The following AMPH variants were observed in gnomAD, a reference collection of about 807,000 sequenced individuals.
AMPH encodes amphiphysin, also known as amphiphysin (Stiff-Mann syndrome with breast cancer 128kD autoantigen).
A neutral mutation model predicts 99.1 loss-of-function variants in AMPH; 49 were observed. That is an observed-to-expected ratio of 0.49 (90% confidence interval 0.39 to 0.63). AMPH has a LOEUF of 0.63. Among genes scored for constraint, AMPH ranks in the 20% least tolerant of loss-of-function variants. The pLI, the probability that AMPH is intolerant of heterozygous loss-of-function variation, is 0.00. For synonymous variants in AMPH, 314 were observed against 317.3 expected, an observed-to-expected ratio of 0.99 and a Z score of 0.11; for missense variants, 759 against 863.4, an observed-to-expected ratio of 0.88 and a Z score of 1.52.
At chr7:38,402,998 C>T (rs1053309907) in intron 17 of AMPH, among the ~76,000 whole-genome samples, 1 of 152,146 alleles carries the variant, frequency 6.6e-6, no homozygotes, top group Non-Finnish European at 1.5e-5. Context: ...TTCTTTTACA[C>T]ATCCCAATGA....
chr7:38,489,291 T>G (rs1339956582), intron 5 of AMPH, among the ~76,000 whole-genome samples: 1 of 151,874 alleles, frequency 6.6e-6, no homozygotes, highest in Non-Finnish European at 1.5e-5. Flanking sequence ...GATATTTACA[T>G]GCCAAAAAAT....
Position 38,417,807 on chromosome 7 carries a change from G to C in AMPH, c.1398+18C>G. On this transcript the variant is annotated intron_variant, in intron 17 of 20. Coordinates refer to ENST00000356264, the MANE Select transcript of AMPH (RefSeq NM_001635.4). ...TGGCAGCGAGGCAGATGGAGGGTGAGAGGGAGGTGGTGCTCACCACTGCCT... is the reference window on the plus strand; with the variant it reads ...TGGCAGCGAGGCAGATGGAGGGTGACAGGGAGGTGGTGCTCACCACTGCCT... The C allele has an allele frequency of 6.2e-7, 1 of 1,613,162 alleles. No individual in the cohort carries two copies. The highest frequency in any genetic ancestry group is 1.1e-5 in the South Asian group (1 of 90,980).
chr7:38,490,066 A>G (rs1326538729), intron 5 of AMPH, among the ~76,000 whole-genome samples: 2 of 152,180 alleles, frequency 1.3e-5, no homozygotes, highest in Non-Finnish European at 2.9e-5. Flanking sequence ...CTCCACAAAC[A>G]TTACAAATCC....
chr7:38,516,779 G>A (rs1014595914), intron 2 of AMPH, among the ~76,000 whole-genome samples: 9 of 152,186 alleles, frequency 5.9e-5, no homozygotes, highest in Admixed American at 1.3e-4. Flanking sequence ...CTCAGGAACT[G>A]TGCCCTGCAG....
chr7:38,446,333 G>A (rs1022254962), intron 11 of AMPH, among the ~76,000 whole-genome samples: 1 of 152,120 alleles, frequency 6.6e-6, no homozygotes, highest in East Asian at 1.9e-4. Context: ...AGAAATGAAA[G>A]CATGCATGCA....
intron 1 of AMPH, among the ~76,000 whole-genome samples, chr7:38,585,813 T>A (rs1291038051): frequency 6.6e-6 from 1 of 152,232 alleles, no homozygotes; most frequent in Non-Finnish European, 1.5e-5. Context: ...TCAATAATGC[T>A]TCAGCACTGA....
chr7:38,490,989 A>G (rs188863735), intron 5 of AMPH, 61 bp downstream of exon 5: 3 of 1,055,376 alleles, frequency 2.8e-6, no homozygotes, highest in Non-Finnish European at 2.9e-6. Flanking sequence ...TCTCTTGCCC[A>G]TGTTTCAATA....
At chr7:38,543,095 C>CAA (rs34264805) in intron 1 of AMPH, among the ~76,000 whole-genome samples, 299 of 139,410 alleles carry the variant, frequency 2.1e-3, no homozygotes, top group Middle Eastern at 7.4e-3. Flanking sequence ...CCCTGTCCCA[C>CAA]AAAAAAAAAA....
chr7:38,434,742 G>GA (rs10713859), intron 12 of AMPH, among the ~76,000 whole-genome samples: 17,464 of 135,730 alleles, frequency 0.13, 1,123 homozygotes, highest in East Asian at 0.2. Flanking sequence ...CCATCTCAAA[G>GA]AAAAAAAAAA....
At chr7:38,505,803 C>T (rs1368659798) in intron 2 of AMPH, among the ~76,000 whole-genome samples, 2 of 151,830 alleles carry the variant, frequency 1.3e-5, no homozygotes, top group Non-Finnish European at 2.9e-5. Flanking sequence ...TGGGTCTTTC[C>T]CCTACTAAAT....
intron 17 of AMPH, among the ~76,000 whole-genome samples, chr7:38,396,446 C>T (rs1784672034): frequency 6.6e-6 from 1 of 152,172 alleles, no homozygotes; most frequent in Non-Finnish European, 1.5e-5. Context: ...AACTGTAAGT[C>T]CAATAAACCT....
intron 16 of AMPH, among the ~76,000 whole-genome samples, chr7:38,420,549 G>A (rs563254297): frequency 6.6e-6 from 1 of 152,334 alleles, no homozygotes; most frequent in South Asian, 2.1e-4. Flanking sequence ...TGCCACAATG[G>A]TTTAACTCTG....
intron 3 of AMPH, among the ~76,000 whole-genome samples, chr7:38,503,267 A>C (rs575704547): frequency 1.3e-5 from 2 of 152,132 alleles, no homozygotes; most frequent in Non-Finnish European, 2.9e-5. Context: ...TGCCCCTTCC[A>C]GTGAGAGGGC....
At chr7:38,597,403 A>G (rs1207078310) in intron 1 of AMPH, among the ~76,000 whole-genome samples, 2 of 152,146 alleles carry the variant, frequency 1.3e-5, no homozygotes, top group African/African-American at 4.8e-5. Flanking sequence ...AAGATCATGT[A>G]TTTGACCTAG....
chr7:38,393,438 C>T (rs1434691184), intron 18 of AMPH, among the ~76,000 whole-genome samples: 15 of 152,144 alleles, frequency 9.9e-5, no homozygotes, highest in Admixed American at 8.5e-4. Flanking sequence ...TTTGTGGCCT[C>T]TCAATGCTGC....
At chr7:38,544,361 A>G (rs181441911) in intron 1 of AMPH, among the ~76,000 whole-genome samples, 4 of 152,316 alleles carry the variant, frequency 2.6e-5, no homozygotes, top group Admixed American at 2.6e-4. Context: ...CCTCCTTGTA[A>G]GAATATTATG....
chr7:38,409,054 A>G (rs973195372), intron 17 of AMPH, among the ~76,000 whole-genome samples: 7 of 152,244 alleles, frequency 4.6e-5, no homozygotes, highest in African/African-American at 7.2e-5. Flanking sequence ...GAACTATTAT[A>G]AAGTAGAAGC....
chr7:38,612,671 C>T (rs1793728172), intron 1 of AMPH, among the ~76,000 whole-genome samples: 1 of 152,096 alleles, frequency 6.6e-6, no homozygotes, highest in Non-Finnish European at 1.5e-5. Flanking sequence ...GGTCTCTTTC[C>T]CCATGGTTGA....
At chr7:38,588,729 A>G (rs1226938332) in intron 1 of AMPH, among the ~76,000 whole-genome samples, 1 of 152,222 alleles carries the variant, frequency 6.6e-6, no homozygotes, top group Non-Finnish European at 1.5e-5. Context: ...AATCGGGGGG[A>G]AAAAACAGAT....
Sources: gnomAD v4.1 joint callset for allele counts (sites outside exome capture counted in the v4.1 genomes callset) on GRCh38, gnomAD v4.1.1 for gene constraint, MANE v1.5 for transcripts, NCBI Gene and HGNC (gene_info 2026-07-23, HGNC 2026-07-21) for gene names.